DMD: variants seen among roughly 807,000 people sequenced by gnomAD.
DMD encodes mutant dystrophin.
DMD carries 63 observed loss-of-function variants against 330.1 expected under a neutral mutation model. That is an observed-to-expected ratio of 0.19 (90% confidence interval 0.16 to 0.24). The LOEUF is 0.24. Among genes scored for constraint, DMD ranks in the 10% least tolerant of loss-of-function variants. The pLI is 1.00. For missense variants in DMD, 3,344 were observed against 2,684.1 expected, an observed-to-expected ratio of 1.25 and a Z score of -5.43; for synonymous variants, 1,223 against 959.8, an observed-to-expected ratio of 1.27 and a Z score of -5.07.
At chrX:32,405,594 G>A (rs775191042) in intron 30 of DMD, among the ~76,000 whole-genome samples, 2 of 111,280 alleles carry the variant, frequency 1.8e-5, no homozygotes, top group East Asian at 5.7e-4. Flanking sequence ...GATTGATGCT[G>A]TGGCCATATA....
chrX:31,808,873 C>T (rs1159728199), intron 50 of DMD, among the ~76,000 whole-genome samples: 1 of 111,071 alleles, frequency 9.0e-6, no homozygotes, highest in Admixed American at 9.7e-5. Context: ...GTGCCTATCA[C>T]CAAATCACAT....
At chrX:32,726,782 T>C (rs181016677) in intron 7 of DMD, among the ~76,000 whole-genome samples, 6 of 111,043 alleles carry the variant, frequency 5.4e-5, no homozygotes, top group Non-Finnish European at 1.1e-4. Context: ...TTGGATGTGC[T>C]AATTACCCTG....
At chrX:32,326,490 T>C (rs1234413833) in intron 41 of DMD, among the ~76,000 whole-genome samples, 3 of 113,129 alleles carry the variant, frequency 2.7e-5, no homozygotes, top group Non-Finnish European at 5.6e-5. Context: ...TATGTGTGCC[T>C]ATGCAGCCTC....
rs777453525 is a variant in DMD at position 31,697,797 on chromosome X, G to A, written c.7661-18211C>T. 5.9e-4 allele frequency among the ~76,000 whole-genome samples: 66 copies of A among 112,052 alleles called. No individual in the cohort carries two copies. The Middle Eastern group carries it at 0.019, about 32-fold the overall frequency. On this transcript the variant is annotated intron_variant, in intron 52 of 78. Coordinates refer to ENST00000357033, the MANE Select transcript of DMD (RefSeq NM_004006.3). ...AATTTCTGCACTGACTGTACAGCAC[G>A]AGAATTAGAAGTCTGTGTAACTGAT...
intron 16 of DMD, among the ~76,000 whole-genome samples, chrX:32,565,055 G>C (rs1335291799): frequency 9.0e-6 from 1 of 111,059 alleles, no homozygotes; most frequent in Non-Finnish European, 1.9e-5. Context: ...AACTTTTAAC[G>C]ATACCCCATT....
At chrX:31,709,114 A>T (rs1380966096) in intron 52 of DMD, among the ~76,000 whole-genome samples, 1 of 111,695 alleles carries the variant, frequency 9.0e-6, no homozygotes, top group Non-Finnish European at 1.9e-5. Context: ...TCTACTAAAA[A>T]TACAAAAATT....
chrX:31,417,180 T>G, intron 60 of DMD, among the ~76,000 whole-genome samples: 1 of 112,737 alleles, frequency 8.9e-6, no homozygotes, highest in Non-Finnish European at 1.9e-5. Context: ...ACATTAGAAA[T>G]TAATGGGGTA....
chrX:31,233,444 G>C (rs189803777), intron 63 of DMD, among the ~76,000 whole-genome samples: 15 of 110,897 alleles, frequency 1.4e-4, no homozygotes, highest in African/African-American at 4.3e-4. Context: ...AAAATGATCA[G>C]ATGTGACTTA....
At chrX:32,701,946 G>GC (rs1569471955) in intron 7 of DMD, among the ~76,000 whole-genome samples, 2 of 111,382 alleles carry the variant, frequency 1.8e-5, no homozygotes, top group African/African-American at 6.5e-5. Context: ...TTGCCATTTT[G>GC]CCCCAAACTA....
At chrX:31,861,423 G>T (rs1007615140) in intron 48 of DMD, among the ~76,000 whole-genome samples, 1 of 109,991 alleles carries the variant, frequency 9.1e-6, no homozygotes, top group Admixed American at 9.8e-5. Flanking sequence ...CGACGGCTAG[G>T]AATTTATCAC....
In DMD at chrX:31,822,653, GGTGT is replaced by G. The variant is rs1556919105; in HGVS notation, c.7201-2574_7201-2571del. On this transcript the variant is annotated intron_variant, in intron 49 of 78. Transcript: ENST00000357033. ...TTGGCCATACAGAAAAAGGCAGAGG[GGTGT>G]GTGTGTGTGTGTGTGTGTGTGTGTG... 9.9e-3 allele frequency among the ~76,000 whole-genome samples: 654 copies of G among 65,791 alleles called. 5 individuals are homozygous for G. The highest frequency in any genetic ancestry group is 0.014 in the Non-Finnish European group (542 of 37,814). 57.1% of individuals were successfully genotyped at this position (65,791 alleles called of 115,157 possible).
At chrX:32,724,796 A>G (rs913369438) in intron 7 of DMD, among the ~76,000 whole-genome samples, 1 of 112,114 alleles carries the variant, frequency 8.9e-6, no homozygotes, top group African/African-American at 3.2e-5. Context: ...GTAATCTTTC[A>G]GCTCTTTTTC....
Position 32,637,379 on chromosome X carries a change from T to A in DMD, c.1331+6753A>T, listed in dbSNP as rs1433523966. Among the ~76,000 whole-genome samples the A allele has an allele frequency of 3.6e-5, 4 of 112,115 alleles. No homozygotes were observed. In the Admixed American group the frequency reaches 3.8e-4, roughly 11 times the overall value. ...TAGTTTTGATATTTCTGATTGGGAATTTTTGTACTAAGATTAAAATGTCAA... is the reference window on the plus strand; with the variant it reads ...TAGTTTTGATATTTCTGATTGGGAAATTTTGTACTAAGATTAAAATGTCAA... On this transcript the variant is annotated intron_variant, in intron 11 of 78. Transcript: ENST00000357033.
intron 44 of DMD, among the ~76,000 whole-genome samples, chrX:32,175,444 C>T (rs938118279): frequency 1.8e-5 from 2 of 110,716 alleles, no homozygotes; most frequent in East Asian, 2.9e-4. Context: ...AAGCCAGCAG[C>T]GGCAACCTGC....
chrX:32,745,666 A>G (rs2069894244), intron 7 of DMD, among the ~76,000 whole-genome samples: 1 of 112,255 alleles, frequency 8.9e-6, no homozygotes, highest in Admixed American at 9.5e-5. Context: ...TGGTGTTTCT[A>G]TTATTGGTCC....
intron 77 of DMD, among the ~76,000 whole-genome samples, chrX:31,130,498 A>G (rs2034344985): frequency 1.8e-5 from 2 of 112,300 alleles, no homozygotes; most frequent in African/African-American, 6.5e-5. Flanking sequence ...TGAACAACTA[A>G]GTATATCTAG....
At chrX:32,497,821 A>G (rs956306220) in intron 19 of DMD, among the ~76,000 whole-genome samples, 1 of 111,476 alleles carries the variant, frequency 9.0e-6, no homozygotes, top group African/African-American at 3.3e-5. Flanking sequence ...TCAATAATAC[A>G]CTGAAAGGCC....
intron 26 of DMD, among the ~76,000 whole-genome samples, chrX:32,451,076 A>G (rs1262587790): frequency 1.8e-5 from 2 of 111,051 alleles, no homozygotes; most frequent in Non-Finnish European, 3.8e-5. Flanking sequence ...ATGCTCTGCC[A>G]TCTTTCATTG....
rs1157258446 is a variant in DMD, at chrX:33,124,485, A to AC, written c.31+86796_31+86797insG. Among the ~76,000 whole-genome samples the AC allele has an allele frequency of 6.0e-3, 575 of 96,449 alleles. 15 individuals are homozygous for AC. Among genetic ancestry groups the AC allele is most frequent in the African/African-American group, 0.024 (538 of 22,642 alleles). 83.8% of individuals were successfully genotyped at this position (96,449 alleles called of 115,157 possible). On this transcript the variant is annotated intron_variant, in intron 1 of 78. Transcript: ENST00000357033. ...GAGGGAGACTCTGTCTGAAAAAAAA[A>AC]AAAAAAAAAAAAAAAAAAAAAAAAA...
Sources: gnomAD v4.1 joint callset for allele counts (sites outside exome capture counted in the v4.1 genomes callset) on GRCh38, gnomAD v4.1.1 for gene constraint, MANE v1.5 for transcripts, NCBI Gene and HGNC (gene_info 2026-07-23, HGNC 2026-07-21) for gene names.